Variants in CNTN5 observed in about 807,000 individuals in gnomAD.
CNTN5 encodes the protein contactin-5.
A neutral mutation model predicts 129.1 loss-of-function variants in CNTN5; 77 were observed. The observed-to-expected ratio is 0.60, with a 90% confidence interval of 0.50 to 0.72. The LOEUF (loss-of-function observed/expected upper bound fraction) is 0.72, where lower values mean the gene tolerates loss of function less well. CNTN5 is among the 30% of genes least tolerant of loss of function. The pLI is 0.00. For missense variants in CNTN5, 1,478 were observed against 1,328.8 expected, an observed-to-expected ratio of 1.11 and a Z score of -1.75; for synonymous variants, 509 against 465.6, an observed-to-expected ratio of 1.09 and a Z score of -1.20.
intron 1 of CNTN5, among the ~76,000 whole-genome samples, chr11:99,256,372 G>C (rs1862377035): frequency 6.6e-6 from 1 of 152,048 alleles, no homozygotes; most frequent in Admixed American, 6.6e-5. Context: ...CCCTGCAGCT[G>C]TGTTTGATAG....
intron 9 of CNTN5, among the ~76,000 whole-genome samples, chr11:100,015,187 C>A (rs12365449): frequency 1.3e-5 from 2 of 151,964 alleles, no homozygotes; most frequent in Non-Finnish European, 2.9e-5. Flanking sequence ...ACGTATAAGC[C>A]TGAGACTAAA....
chr11:99,834,939 A>G (rs1947255912), intron 4 of CNTN5, among the ~76,000 whole-genome samples: 2 of 152,204 alleles, frequency 1.3e-5, no homozygotes, highest in Non-Finnish European at 2.9e-5. Flanking sequence ...TGTTTTCCTA[A>G]TGTAAAGCTG....
At chr11:99,101,631 C>T (rs1866739076) in intron 1 of CNTN5, among the ~76,000 whole-genome samples, 1 of 152,184 alleles carries the variant, frequency 6.6e-6, no homozygotes, top group Non-Finnish European at 1.5e-5. Context: ...CTATGAACTA[C>T]AAAATGATCT....
chr11:99,438,260 A>T (rs2135135231), intron 2 of CNTN5, among the ~76,000 whole-genome samples: 1 of 152,302 alleles, frequency 6.6e-6, no homozygotes, highest in Admixed American at 6.5e-5. Flanking sequence ...ATCTTTTTTT[A>T]AAATAAAGAT....
At chr11:99,991,742 A>AGGTT (rs113784900) in intron 8 of CNTN5, among the ~76,000 whole-genome samples, 6,509 of 120,966 alleles carry the variant, frequency 0.054, 198 homozygotes, top group South Asian at 0.12. Flanking sequence ...TCAGACATGC[A>AGGTT]GGTTTGTTTG....
chr11:100,168,542 A>G (rs1052557833), intron 13 of CNTN5, among the ~76,000 whole-genome samples: 3 of 151,980 alleles, frequency 2.0e-5, no homozygotes, highest in Non-Finnish European at 4.4e-5. Flanking sequence ...TTTACTGAAT[A>G]TTTTAAGCCC....
intron 3 of CNTN5, among the ~76,000 whole-genome samples, chr11:99,602,557 A>G (rs1364649213): frequency 6.6e-6 from 1 of 152,174 alleles, no homozygotes; most frequent in African/African-American, 2.4e-5. Context: ...ATAATAAAAA[A>G]CACATACAAA....
At chr11:99,987,840 AATTT>A (rs1387514520) in intron 8 of CNTN5, among the ~76,000 whole-genome samples, 1 of 152,134 alleles carries the variant, frequency 6.6e-6, no homozygotes, top group Non-Finnish European at 1.5e-5. Context: ...GGGGTTACAT[AATTT>A]TTAAAATAGT....
At chr11:99,318,543 TA>T (rs1254816884) in intron 1 of CNTN5, among the ~76,000 whole-genome samples, 2 of 146,928 alleles carry the variant, frequency 1.4e-5, no homozygotes, top group Non-Finnish European at 3.0e-5. Flanking sequence ...TTTTGAGAAT[TA>T]TTTTTTTTTT....
At chr11:99,707,564 T>G (rs1282773652) in intron 3 of CNTN5, among the ~76,000 whole-genome samples, 2 of 151,716 alleles carry the variant, frequency 1.3e-5, no homozygotes, top group East Asian at 3.9e-4. Context: ...CCAGGCTCTG[T>G]TGTTAATTGA....
rs139752673 is a variant in CNTN5 at position 100,075,271 on chromosome 11, T to C, written c.1580+977T>C. Among the ~76,000 whole-genome samples the C allele has an allele frequency of 1.8e-3, 273 of 152,212 alleles. 1 individual carries two copies. Among genetic ancestry groups the C allele is most frequent in the African/African-American group, 6.0e-3 (250 of 41,562 alleles). On this transcript the variant is annotated intron_variant, in intron 13 of 24. Coordinates refer to ENST00000524871, the MANE Select transcript of CNTN5 (RefSeq NM_014361.4). ...AAATAGTCTATTTCAGATTAAACAATTTTTGGAATTACTGGCTTCAGCTTA... is the reference window on the plus strand; with the variant it reads ...AAATAGTCTATTTCAGATTAAACAACTTTTGGAATTACTGGCTTCAGCTTA...
At chr11:99,686,686 G>A (rs975496801) in intron 3 of CNTN5, among the ~76,000 whole-genome samples, 2 of 151,730 alleles carry the variant, frequency 1.3e-5, no homozygotes, top group Admixed American at 1.3e-4. Flanking sequence ...GTATATTTTC[G>A]GGGACTTTAG....
chr11:100,279,014 A>G (rs1267335976), intron 18 of CNTN5, among the ~76,000 whole-genome samples: 1 of 151,966 alleles, frequency 6.6e-6, no homozygotes, highest in Admixed American at 6.6e-5. Flanking sequence ...TATCATGAAG[A>G]GATGCTAAAT....
intron 3 of CNTN5, among the ~76,000 whole-genome samples, chr11:99,739,841 A>C (rs1215448865): frequency 6.6e-6 from 1 of 152,184 alleles, no homozygotes; most frequent in Non-Finnish European, 1.5e-5. Flanking sequence ...AATCGAACTG[A>C]AGCATTAAGT....
At chr11:99,781,978 G>A (rs956275394) in intron 3 of CNTN5, among the ~76,000 whole-genome samples, 2 of 151,570 alleles carry the variant, frequency 1.3e-5, no homozygotes, top group East Asian at 3.9e-4. Context: ...TCTGGCCAGG[G>A]CAATTAGGCA....
intron 3 of CNTN5, among the ~76,000 whole-genome samples, chr11:99,781,243 C>T (rs769043952): frequency 6.6e-6 from 1 of 152,082 alleles, no homozygotes; most frequent in Non-Finnish European, 1.5e-5. Context: ...AGTCCCCACA[C>T]AAGGTTTTAG....
At chr11:99,887,083 A>G (rs1318114911) in intron 6 of CNTN5, among the ~76,000 whole-genome samples, 1 of 152,172 alleles carries the variant, frequency 6.6e-6, no homozygotes, top group African/African-American at 2.4e-5. Context: ...TGTTACATAC[A>G]TGATTTTGAT....
In CNTN5 at chr11:99,407,927, C is replaced by G. The variant is rs144256014; in HGVS notation, c.-71+82443C>G. Among the ~76,000 whole-genome samples, 1,055 of 152,276 alleles carry G rather than the reference C, an allele frequency of 6.9e-3. 14 individuals are homozygous for G. Among genetic ancestry groups the G allele is most frequent in the Non-Finnish European group, 9.7e-3 (660 of 68,012 alleles). ...AAATACTCTCTGCATCATGCTTCCA[C>G]TACCCAGGGATTGGAGAAGTGTGAC... is the stretch of plus-strand genomic sequence containing the variant. On this transcript the variant is annotated intron_variant, in intron 2 of 24. Coordinates refer to ENST00000524871, the MANE Select transcript of CNTN5 (RefSeq NM_014361.4).
intron 6 of CNTN5, among the ~76,000 whole-genome samples, chr11:99,872,906 A>T (rs1424615959): frequency 6.6e-6 from 1 of 152,100 alleles, no homozygotes; most frequent in Non-Finnish European, 1.5e-5. Context: ...AATAAGAATA[A>T]CTCTATATAG....
Sources: gnomAD v4.1 joint callset for allele counts (sites outside exome capture counted in the v4.1 genomes callset) on GRCh38, gnomAD v4.1.1 for gene constraint, MANE v1.5 for transcripts, NCBI Gene and HGNC (gene_info 2026-07-23, HGNC 2026-07-21) for gene names.